TMEM131: variants seen among roughly 807,000 people sequenced by gnomAD.
The protein encoded by TMEM131 is transmembrane protein 131.
A neutral mutation model predicts 211.6 loss-of-function variants in TMEM131; 66 were observed. The ratio of observed to expected loss-of-function variants is 0.31; its 90% confidence interval spans 0.26 to 0.38. The LOEUF (loss-of-function observed/expected upper bound fraction) is 0.38, where lower values mean the gene tolerates loss of function less well. TMEM131 is among the 10% of genes least tolerant of loss of function. TMEM131 has a pLI of 1.00. For missense variants in TMEM131, 2,036 were observed against 2,299.3 expected, an observed-to-expected ratio of 0.89 and a Z score of 2.34; for synonymous variants, 844 against 841.3, an observed-to-expected ratio of 1.00 and a Z score of -0.06.
chr2:97,955,619 C>T (rs1485597728), intron 1 of TMEM131, among the ~76,000 whole-genome samples: 6 of 152,066 alleles, frequency 3.9e-5, no homozygotes, highest in African/African-American at 7.2e-5. Flanking sequence ...AAGATTAACA[C>T]ACAAAAATCA....
intron 1 of TMEM131, among the ~76,000 whole-genome samples, chr2:97,955,243 G>A (rs1400573177): frequency 6.6e-6 from 1 of 151,938 alleles, no homozygotes; most frequent in Non-Finnish European, 1.5e-5. Context: ...GTCAATTGAT[G>A]CAAAAAAAAT....
chr2:97,814,911 G>C (rs1257095308), intron 13 of TMEM131, among the ~76,000 whole-genome samples: 1 of 152,018 alleles, frequency 6.6e-6, no homozygotes, highest in Non-Finnish European at 1.5e-5. Context: ...ATGTCAGAAA[G>C]GAAATGGTTC....
intron 1 of TMEM131, among the ~76,000 whole-genome samples, chr2:97,973,311 C>T (rs561504009): frequency 2.0e-4 from 31 of 152,260 alleles, no homozygotes; most frequent in Non-Finnish European, 4.6e-4. Context: ...CTCACACGAA[C>T]TGCATTAATT....
At chr2:97,917,030 C>T (rs1241003126) in intron 2 of TMEM131, among the ~76,000 whole-genome samples, 1 of 152,122 alleles carries the variant, frequency 6.6e-6, no homozygotes, top group Non-Finnish European at 1.5e-5. Flanking sequence ...GGCCTCCTTA[C>T]AAGTCAAAAT....
Position 97,814,062 on chromosome 2 carries a change from G to A in TMEM131, c.1526C>T (p.Thr509Ile), listed in dbSNP as rs1185714641. ...GTTGTTATCAATGTGCATGGATGATGTGGAAGGCATAAAAAGCAGGGTAAA... is the reference window on the plus strand; with the variant it reads ...GTTGTTATCAATGTGCATGGATGATATGGAAGGCATAAAAAGCAGGGTAAA... ...YIFTLLFMPS[T>I]SSMHIDNNIL... The change falls in exon 15 of 41, where the codon ACA becomes ATA. Residue 509 changes from threonine (T) to isoleucine (I), a missense_variant. Thr to Ile is a moderately conservative substitution (Grantham distance 89). Coordinates refer to ENST00000186436, the MANE Select transcript of TMEM131 (RefSeq NM_015348.2). 4 of 1,602,958 alleles carry A rather than the reference G, an allele frequency of 2.5e-6. No individual in the cohort carries two copies. Among genetic ancestry groups the A allele is most frequent in the African/African-American group, 2.7e-5 (2 of 74,912 alleles).
chr2:97,908,049 C>CT (rs1485220650), intron 3 of TMEM131, among the ~76,000 whole-genome samples: 1 of 150,416 alleles, frequency 6.6e-6, no homozygotes, highest in Non-Finnish European at 1.5e-5. Flanking sequence ...CCAGAACAGA[C>CT]TTTCACCGCA....
rs963762055 is a variant in TMEM131, at chr2:97,995,944, C to G, written c.-282G>C. 1.1e-5 allele frequency: 2 copies of G among 185,288 alleles called. No homozygotes were observed. The highest frequency in any genetic ancestry group is 4.7e-5 in the African/African-American group (2 of 42,448). 11.5% of individuals were successfully genotyped at this position (185,288 alleles called of 1,614,324 possible). A position where few individuals can be genotyped will look rare whatever the true frequency, so the allele number is the denominator to read the frequency against. Reference sequence around the variant, plus strand: ...CCATACTGGAAACGGGCACGGCCCGCGAGCCCTGAGCGCTGGCCTGCGAGG... The same window carrying G: ...CCATACTGGAAACGGGCACGGCCCGGGAGCCCTGAGCGCTGGCCTGCGAGG... On this transcript the variant is annotated 5_prime_UTR_variant, in exon 1 of 41. Transcript: ENST00000186436.
chr2:97,991,433 T>C (rs944077471), intron 1 of TMEM131, among the ~76,000 whole-genome samples: 1 of 152,140 alleles, frequency 6.6e-6, no homozygotes, highest in Non-Finnish European at 1.5e-5. Flanking sequence ...CAGGCACTGA[T>C]GCCACTTGGT....
intron 4 of TMEM131, among the ~76,000 whole-genome samples, chr2:97,863,759 A>G (rs947998757): frequency 4.6e-5 from 7 of 152,218 alleles, no homozygotes; most frequent in African/African-American, 1.4e-4. Context: ...AAGGATATGG[A>G]GAAAAGGGAA....
At position 97,995,536 on chromosome 2, in the gene TMEM131, G is replaced by A; in HGVS notation, c.127C>T (p.Leu43=). Residue 43 remains leucine, a synonymous_variant, in exon 1 of 41, where the codon CTA becomes TTA. Transcript: ENST00000186436. ...GTCATCACCAGGTGCAGCGCGCCTA[G>A]GAGGCCGGCGGCCGCGCTCCGCGGG... The part of the protein sequence containing the change: ...GGPRSAAAGL[L]GALHLVMTLV... The A allele has an allele frequency of 4.4e-6, 6 of 1,349,600 alleles. No individual in the cohort carries two copies. Among genetic ancestry groups the A allele is most frequent in the Non-Finnish European group, 4.8e-6 (5 of 1,045,638 alleles). 83.6% of individuals were successfully genotyped at this position (1,349,600 alleles called of 1,614,324 possible). A position where few individuals can be genotyped will look rare whatever the true frequency, so the allele number is the denominator to read the frequency against.
At chr2:97,935,883 T>C (rs1677421475) in intron 1 of TMEM131, among the ~76,000 whole-genome samples, 1 of 152,234 alleles carries the variant, frequency 6.6e-6, no homozygotes, top group Non-Finnish European at 1.5e-5. Context: ...ATATGTGGCA[T>C]TTAACTTTTC....
At chr2:97,870,874 G>A (rs189911239) in intron 4 of TMEM131, among the ~76,000 whole-genome samples, 1 of 152,364 alleles carries the variant, frequency 6.6e-6, no homozygotes, top group Admixed American at 6.5e-5. Context: ...GAGCTGGGGA[G>A]TTGATGTAAA....
intron 1 of TMEM131, among the ~76,000 whole-genome samples, chr2:97,978,736 T>C (rs1476873539): frequency 2.0e-5 from 3 of 152,196 alleles, no homozygotes; most frequent in East Asian, 3.8e-4. Flanking sequence ...TACTGACATC[T>C]TGAACTCCTC....
intron 1 of TMEM131, among the ~76,000 whole-genome samples, chr2:97,928,755 T>C (rs1347682659): frequency 6.6e-6 from 1 of 151,678 alleles, no homozygotes. Context: ...ATCGAACAAT[T>C]AAGTACACAG....
chr2:97,829,869 T>C (rs181000713), intron 11 of TMEM131, among the ~76,000 whole-genome samples: 7 of 152,286 alleles, frequency 4.6e-5, no homozygotes, highest in Non-Finnish European at 7.4e-5. Context: ...CAATATTTTT[T>C]GAGTGTTATC....
Position 97,937,835 on chromosome 2 carries a change from T to A in TMEM131, c.188-10348A>T, listed in dbSNP as rs994103601. ...TCATCAGACTAACAGCGGATCTCTCTGCAGAAACTCTGCAAGCCAGAAGAG... is the reference window on the plus strand; with the variant it reads ...TCATCAGACTAACAGCGGATCTCTCAGCAGAAACTCTGCAAGCCAGAAGAG... On this transcript the variant is annotated intron_variant, in intron 1 of 40. Coordinates refer to ENST00000186436, the MANE Select transcript of TMEM131 (RefSeq NM_015348.2). Among the ~76,000 whole-genome samples the A allele has an allele frequency of 9.8e-5, 15 of 152,326 alleles. 1 individual carries two copies. The highest frequency in any genetic ancestry group is 6.5e-4 in the Admixed American group (10 of 15,300).
At chr2:97,994,835 T>C (rs569135321) in intron 1 of TMEM131, among the ~76,000 whole-genome samples, 26 of 152,234 alleles carry the variant, frequency 1.7e-4, no homozygotes, top group Non-Finnish European at 2.2e-4. Context: ...GCTTGCAAGC[T>C]GGCAACTTCA....
intron 1 of TMEM131, among the ~76,000 whole-genome samples, chr2:97,932,525 G>A (rs1240066131): frequency 1.3e-5 from 2 of 152,198 alleles, no homozygotes; most frequent in African/African-American, 4.8e-5. Context: ...TAATTCAGAT[G>A]TGCAGGATAT....
At chr2:97,767,092 A>T (rs1679206757) in intron 33 of TMEM131, among the ~76,000 whole-genome samples, 1 of 152,224 alleles carries the variant, frequency 6.6e-6, no homozygotes, top group South Asian at 2.1e-4. Flanking sequence ...TCTCATAGAA[A>T]TTATGAGGTG....
Sources: allele counts gnomAD v4.1 joint callset (sites outside exome capture counted in the v4.1 genomes callset), GRCh38; gene constraint gnomAD v4.1.1; transcripts MANE v1.5; gene names NCBI Gene and HGNC (gene_info 2026-07-23, HGNC 2026-07-21).